The following PGM2L1 variants were observed in gnomAD, a reference collection of about 807,000 sequenced individuals.
PGM2L1 encodes phosphoglucomutase 2 like 1.
A neutral mutation model predicts 73.4 loss-of-function variants in PGM2L1; 35 were observed. That is an observed-to-expected ratio of 0.48 (90% CI 0.36 to 0.63). The LOEUF is 0.63. PGM2L1 is among the 30% of genes least tolerant of loss of function. PGM2L1 has a pLI of 0.00. For synonymous variants in PGM2L1, 225 were observed against 253.8 expected (o/e 0.89, Z 1.08); for missense variants, 570 against 742.0 (o/e 0.77, Z 2.69).
chr11:74,371,020 C>T (rs1442033564), intron 3 of PGM2L1, 34 bp from the exon 4 acceptor site: 2 of 1,561,186 alleles, frequency 1.3e-6, no homozygotes, highest in Admixed American at 3.5e-5. Context: ...AGTCCTTTGC[C>T]TACCATACTT....
At chr11:74,348,939 T>C (rs1182215471) in intron 6 of PGM2L1, among the ~76,000 whole-genome samples, 2 of 152,218 alleles carry the variant, frequency 1.3e-5, no homozygotes, top group Admixed American at 6.5e-5. Context: ...ACACAATTTC[T>C]ACTCTACTTT....
In PGM2L1 at chr11:74,342,627, GT is replaced by G. The variant is rs931601892; in HGVS notation, c.1465del (p.Thr489LeufsTer60). ...TGGTTCATAACACAAGAAATAGGAAGTTTTTGAAATATGATAACCATATCTG... is the reference window on the plus strand; with the variant it reads ...TGGTTCATAACACAAGAAATAGGAAGTTTTGAAATATGATAACCATATCTG... ...YEKYGYHISK[T>X]SYFLCYEPPT... On this transcript the variant is annotated frameshift_variant, in exon 12 of 14. Coordinates refer to ENST00000298198, the MANE Select transcript of PGM2L1 (RefSeq NM_173582.6). LOFTEE classifies it high-confidence loss of function. 1 of 1,584,452 alleles carries G rather than the reference GT, an allele frequency of 6.3e-7. No individual in the cohort carries two copies. Among genetic ancestry groups the G allele is most frequent in the African/African-American group, 1.4e-5 (1 of 73,488 alleles).
intron 1 of PGM2L1, among the ~76,000 whole-genome samples, chr11:74,383,780 A>G (rs1329650346): frequency 7.1e-6 from 1 of 141,006 alleles, no homozygotes; most frequent in Non-Finnish European, 1.5e-5. Context: ...CATGATCTCA[A>G]TCCTTTTTAT....
chr11:74,347,102 T>G (rs1457374875), intron 7 of PGM2L1, 46 bp downstream of exon 7: 1 of 1,366,052 alleles, frequency 7.3e-7, no homozygotes, highest in Admixed American at 2.7e-5. Flanking sequence ...CTATCTATTC[T>G]GATGGTTTAA....
chr11:74,359,394 C>T (rs1354900799), intron 5 of PGM2L1, among the ~76,000 whole-genome samples: 1 of 151,908 alleles, frequency 6.6e-6, no homozygotes, highest in Admixed American at 6.6e-5. Flanking sequence ...TTCTGAGCTT[C>T]TCCAAAAAAT....
rs750869611 is a variant in PGM2L1, at chr11:74,351,334, C to T, written c.749+49G>A. 5.3e-6 allele frequency: 8 copies of T among 1,508,640 alleles called. No homozygotes were observed. In the African/African-American group the frequency reaches 8.4e-5, roughly 16 times the overall value. 93.5% of individuals were successfully genotyped at this position (1,508,640 alleles called of 1,614,324 possible). On this transcript the variant is annotated intron_variant, in intron 6 of 13. Transcript: ENST00000298198. ...TTTATCACTTTTTATTCTCCTCATT[C>T]TTTAACGTTATTCTGAAGTAGTATT...
chr11:74,394,036 G>C (rs1487207031), intron 1 of PGM2L1, among the ~76,000 whole-genome samples: 2 of 152,110 alleles, frequency 1.3e-5, no homozygotes, highest in African/African-American at 4.8e-5. Context: ...GAAGGAGAGA[G>C]CACTGGTAGT....
At chr11:74,354,896 A>G in intron 5 of PGM2L1, 1 of 856,736 alleles carries the variant, frequency 1.2e-6, no homozygotes, top group Non-Finnish European at 2.0e-6. Context: ...TTGTCTTTGT[A>G]ACCTTTGATG....
At chr11:74,361,939 G>A (rs1467382318) in intron 5 of PGM2L1, among the ~76,000 whole-genome samples, 1 of 152,228 alleles carries the variant, frequency 6.6e-6, no homozygotes, top group African/African-American at 2.4e-5. Context: ...ACCTGAAAGT[G>A]ACAGGGAGAA....
intron 9 of PGM2L1, 135 bp from the exon 10 acceptor site, chr11:74,343,551 A>C: frequency 1.5e-6 from 2 of 1,298,200 alleles, no homozygotes; most frequent in Non-Finnish European, 2.0e-6. Context: ...AGATTTATAC[A>C]GTAGCAGACA....
chr11:74,377,138 CTT>C (rs34347042), intron 1 of PGM2L1, among the ~76,000 whole-genome samples: 5 of 142,578 alleles, frequency 3.5e-5, no homozygotes, highest in Non-Finnish European at 4.6e-5. Context: ...ATTATTATTT[CTT>C]TTTTTTTTTT....
chr11:74,346,270 C>CAAAAAAAAAAAAAAAAAAAAAAACAAAA (rs1862262478), intron 8 of PGM2L1, among the ~76,000 whole-genome samples: 1 of 57,880 alleles, frequency 1.7e-5, no homozygotes, highest in Admixed American at 2.6e-4. Context: ...ACTATGTCTC[C>CAAAAAAAAAAAAAAAAAAAAAAACAAAA]AAAAAAAAAA....
chr11:74,398,277 GAGACCAACCGC>G lies in PGM2L1; in HGVS notation c.-127_-117del. ...GTCCCCACCTCACTGAAGGGCATCGGAGACCAACCGCAGGGTGTTCGTAACAGCTCCTGCCG... is the reference window on the plus strand; with the variant it reads ...GTCCCCACCTCACTGAAGGGCATCGGAGGGTGTTCGTAACAGCTCCTGCCG... On this transcript the variant is annotated 5_prime_UTR_variant, in exon 1 of 14. Transcript: ENST00000298198. 7.2e-7 allele frequency: 1 copy of G among 1,384,806 alleles called. No individual in the cohort carries two copies. The highest frequency in any genetic ancestry group is 9.4e-7 in the Non-Finnish European group (1 of 1,060,384). The allele number at this position is 1,384,806 out of a possible 1,614,324, so 85.8% of individuals were successfully genotyped here.
In PGM2L1 at chr11:74,336,466, A is replaced by T; in HGVS notation, c.*186T>A. 2 of 392,844 alleles carry T rather than the reference A, an allele frequency of 5.1e-6. No homozygotes were observed. Among genetic ancestry groups the T allele is most frequent in the Non-Finnish European group, 9.1e-6 (2 of 220,302 alleles). 24.3% of individuals were successfully genotyped at this position (392,844 alleles called of 1,614,324 possible). ...AAAAATTTGAATCATTTCCCTCTAGACCATTTCATTTCAAACTTATACTTT... is the reference window on the plus strand; with the variant it reads ...AAAAATTTGAATCATTTCCCTCTAGTCCATTTCATTTCAAACTTATACTTT... On this transcript the variant is annotated 3_prime_UTR_variant, in exon 14 of 14. Coordinates refer to ENST00000298198, the MANE Select transcript of PGM2L1 (RefSeq NM_173582.6).
chr11:74,361,800 G>A (rs564340460), intron 5 of PGM2L1, among the ~76,000 whole-genome samples: 1 of 152,308 alleles, frequency 6.6e-6, no homozygotes, highest in East Asian at 1.9e-4. Context: ...GGGTATCAGT[G>A]ATGGAAGATC....
rs1234528075 is a variant in PGM2L1, at chr11:74,354,996, G to A, written c.556-3420C>T. ...AGTCAGGAAAGCCCTGTCAAAGCAA[G>A]AAGAGATGGCTAGTGCTTCATCCAG... On this transcript the variant is annotated intron_variant, in intron 5 of 13. Transcript: ENST00000298198. The A allele has an allele frequency of 3.3e-6, 4 of 1,214,324 alleles. No individual in the cohort carries two copies. The Admixed American group carries it at 6.7e-5, about 20-fold the overall frequency. 75.2% of individuals were successfully genotyped at this position (1,214,324 alleles called of 1,614,324 possible). A position where few individuals can be genotyped will look rare whatever the true frequency, so the allele number is the denominator to read the frequency against.
chr11:74,389,829 T>A (rs1411675110), intron 1 of PGM2L1, among the ~76,000 whole-genome samples: 4 of 145,160 alleles, frequency 2.8e-5, no homozygotes. Context: ...ACTGGCCGGG[T>A]GCGGTGGCTC....
At chr11:74,373,256 A>G (rs887380702) in intron 2 of PGM2L1, among the ~76,000 whole-genome samples, 1 of 152,226 alleles carries the variant, frequency 6.6e-6, no homozygotes, top group Non-Finnish European at 1.5e-5. Flanking sequence ...GACTAAATGT[A>G]TAAGAAAAGA....
intron 1 of PGM2L1, among the ~76,000 whole-genome samples, chr11:74,378,724 T>C (rs1862894354): frequency 1.3e-5 from 2 of 152,200 alleles, no homozygotes; most frequent in African/African-American, 4.8e-5. Flanking sequence ...TTCTATATTG[T>C]AGAACCATAA....
Sources: allele counts gnomAD v4.1 joint callset (sites outside exome capture counted in the v4.1 genomes callset), GRCh38; gene constraint gnomAD v4.1.1; transcripts MANE v1.5; gene names NCBI Gene and HGNC (gene_info 2026-07-23, HGNC 2026-07-21).